Variants in SZRD1 observed in about 807,000 individuals in gnomAD.
The protein encoded by SZRD1 is SUZ RNA binding domain containing 1.
SZRD1 carries 7 observed loss-of-function variants against 17.6 expected under a neutral mutation model. The ratio of observed to expected loss-of-function variants is 0.40; its 90% CI spans 0.23 to 0.75. The LOEUF (loss-of-function observed/expected upper bound fraction) is 0.75, where lower values mean the gene tolerates loss of function less well. SZRD1 is among the 30% of genes least tolerant of loss of function. The pLI is 0.38. For missense variants in SZRD1, 178 were observed against 201.8 expected (o/e 0.88, Z 0.71); for synonymous variants, 77 against 77.9 (o/e 0.99, Z 0.06).
At chr1:16,371,449 C>CTT (rs543590679) in intron 1 of SZRD1, among the ~76,000 whole-genome samples, 1 of 135,432 alleles carries the variant, frequency 7.4e-6, no homozygotes, top group South Asian at 2.4e-4. Flanking sequence ...CTTTTTTTTC[C>CTT]TTTTTTTTTT....
At chr1:16,394,916 C>T in intron 3 of SZRD1, 122 bp from the exon 4 acceptor site, 1 of 650,390 alleles carries the variant, frequency 1.5e-6, no homozygotes, top group Non-Finnish European at 2.7e-6. Context: ...GATCGTGCCA[C>T]TGCACTCCAA....
rs1557631234 is a variant in SZRD1 at position 16,391,475 on chromosome 1, C to CG, written c.101+54dup. 1 of 1,466,344 alleles carries CG rather than the reference C, an allele frequency of 6.8e-7. No individual in the cohort carries two copies. The highest frequency in any genetic ancestry group is 1.4e-5 in the African/African-American group (1 of 70,950). The allele number at this position is 1,466,344 out of a possible 1,614,324, so 90.8% of individuals were successfully genotyped here. A position where few individuals can be genotyped will look rare whatever the true frequency, so the allele number is the denominator to read the frequency against. Reference sequence around the variant, plus strand: ...CTCATGCTCTCTGTGGTTTGAGAGCCGGGCAGTCAGTGGTGTTCTCCAGCT... The same window carrying CG: ...CTCATGCTCTCTGTGGTTTGAGAGCCGGGGCAGTCAGTGGTGTTCTCCAGCT... On this transcript the variant is annotated intron_variant, in intron 2 of 3. Coordinates refer to ENST00000401088, the MANE Select transcript of SZRD1 (RefSeq NM_001114600.3). The surrounding 1 kb of genome is among the most constrained non-coding windows in gnomAD (Gnocchi z 4.3).
chr1:16,390,314 A>G (rs2085201813), intron 1 of SZRD1, among the ~76,000 whole-genome samples: 1 of 152,198 alleles, frequency 6.6e-6, no homozygotes, highest in African/African-American at 2.4e-5. Flanking sequence ...TGTCATAGGC[A>G]TGCTGGTGCT....
intron 1 of SZRD1, among the ~76,000 whole-genome samples, chr1:16,377,833 G>A (rs1557624136): frequency 6.6e-6 from 1 of 152,174 alleles, no homozygotes; most frequent in Non-Finnish European, 1.5e-5. Flanking sequence ...CCATTGCTCT[G>A]AGTGTGAAGG....
intron 1 of SZRD1, among the ~76,000 whole-genome samples, chr1:16,379,346 G>T (rs1030818581): frequency 6.6e-6 from 1 of 150,736 alleles, no homozygotes; most frequent in African/African-American, 2.4e-5. Flanking sequence ...CTCGTGATCC[G>T]CCCGCCTCGT....
At chr1:16,384,198 T>C (rs983172430) in intron 1 of SZRD1, among the ~76,000 whole-genome samples, 3 of 152,046 alleles carry the variant, frequency 2.0e-5, no homozygotes, top group African/African-American at 7.2e-5. Flanking sequence ...CAGAATTAAA[T>C]CAACATGGAG....
intron 1 of SZRD1, among the ~76,000 whole-genome samples, chr1:16,386,504 G>C (rs186069564): frequency 6.6e-6 from 1 of 152,336 alleles, no homozygotes; most frequent in Admixed American, 6.5e-5. Context: ...ACTTGGTCCA[G>C]CTTTTCAGAG....
At chr1:16,384,375 CAA>C (rs58963543) in intron 1 of SZRD1, among the ~76,000 whole-genome samples, 118 of 110,850 alleles carry the variant, frequency 1.1e-3, no homozygotes, top group Admixed American at 9.3e-4. Context: ...CCGTCTCCAC[CAA>C]AAAAAAAAAA....
At chr1:16,388,529 A>G (rs2085165122) in intron 1 of SZRD1, among the ~76,000 whole-genome samples, 1 of 152,178 alleles carries the variant, frequency 6.6e-6, no homozygotes, top group Non-Finnish European at 1.5e-5. Context: ...AGATGCAAAT[A>G]AGGACATGGA....
chr1:16,369,417 A>G, intron 1 of SZRD1: 1 of 1,082,256 alleles, frequency 9.2e-7, no homozygotes, highest in Admixed American at 1.8e-5. Flanking sequence ...ACTGCTCAAA[A>G]TTGGCAGCAT....
intron 1 of SZRD1, among the ~76,000 whole-genome samples, chr1:16,377,485 T>C (rs2083024909): frequency 6.8e-6 from 1 of 146,418 alleles, no homozygotes; most frequent in Admixed American, 7.2e-5. Context: ...CTCAGGAGGC[T>C]GAGGCAGGGG....
At chr1:16,389,080 C>CTTTTTT (rs779460255) in intron 1 of SZRD1, among the ~76,000 whole-genome samples, 13 of 114,894 alleles carry the variant, frequency 1.1e-4, no homozygotes, top group African/African-American at 2.6e-4. Flanking sequence ...TAGTTATTTC[C>CTTTTTT]TTTTTTTTTT....
intron 1 of SZRD1, among the ~76,000 whole-genome samples, chr1:16,388,891 G>A (rs557964627): frequency 1.3e-5 from 2 of 151,472 alleles, no homozygotes; most frequent in Admixed American, 6.6e-5. Context: ...CAAGTGATCC[G>A]CCTGCCTCAG....
rs1192020662 is a variant in SZRD1 at position 16,398,031 on chromosome 1, C to G, written c.*2891C>G. On this transcript the variant is annotated 3_prime_UTR_variant, in exon 4 of 4. Coordinates refer to ENST00000401088, the MANE Select transcript of SZRD1 (RefSeq NM_001114600.3). ...AGGGCTGCACCCCTGCAGTCTTACT[C>G]TGCTGGTGTAGCGGGCAGCTGCCCA... 1 of 894,736 alleles carries G rather than the reference C, an allele frequency of 1.1e-6. No homozygotes were observed. The highest frequency in any genetic ancestry group is 1.8e-5 in the African/African-American group (1 of 55,298). The allele number at this position is 894,736 out of a possible 1,614,324, so 55.4% of individuals were successfully genotyped here.
In SZRD1 at chr1:16,395,208, A is replaced by T. The variant is rs577519030; in HGVS notation, c.*68A>T. 8.9e-7 allele frequency: 1 copy of T among 1,117,496 alleles called. No homozygotes were observed. The allele number at this position is 1,117,496 out of a possible 1,614,324, so 69.2% of individuals were successfully genotyped here. A position where few individuals can be genotyped will look rare whatever the true frequency, so the allele number is the denominator to read the frequency against. ...TCCTGGGTCGTCCGCCACGGGTTGC[A>T]CTGCCGTGGCAGACAGCTGGACTTG... On this transcript the variant is annotated 3_prime_UTR_variant, in exon 4 of 4. Coordinates refer to ENST00000401088, the MANE Select transcript of SZRD1 (RefSeq NM_001114600.3).
Position 16,393,095 on chromosome 1 carries a change from G to A in SZRD1, c.102-133G>A, listed in dbSNP as rs2085244340. On this transcript the variant is annotated intron_variant, in intron 2 of 3. Coordinates refer to ENST00000401088, the MANE Select transcript of SZRD1 (RefSeq NM_001114600.3). The surrounding 1 kb of genome is among the most constrained non-coding windows in gnomAD (Gnocchi z 5.6). ...TGAGGAGTGGAAATTTTGCTGTCTG[G>A]TCAGAGGCCAGAGAATCATGCATGG... is the stretch of plus-strand genomic sequence containing the variant. The A allele has an allele frequency of 7.7e-6, 10 of 1,300,460 alleles. No individual in the cohort carries two copies. In the South Asian group the frequency reaches 1.4e-4, roughly 18 times the overall value. The allele number at this position is 1,300,460 out of a possible 1,614,324, so 80.6% of individuals were successfully genotyped here.
Position 16,393,181 on chromosome 1 carries a change from C to T in SZRD1, c.102-47C>T, listed in dbSNP as rs1210860681. 1.2e-6 allele frequency: 2 copies of T among 1,601,726 alleles called. No individual in the cohort carries two copies. The highest frequency in any genetic ancestry group is 8.5e-7 in the Non-Finnish European group (1 of 1,171,886). ...TGGGTGTGGGACATGGACAGGGCCTCCTTAGTCAGGAGCATGATTTGTGAA... is the reference window on the plus strand; with the variant it reads ...TGGGTGTGGGACATGGACAGGGCCTTCTTAGTCAGGAGCATGATTTGTGAA... On this transcript the variant is annotated intron_variant, in intron 2 of 3. Coordinates refer to ENST00000401088, the MANE Select transcript of SZRD1 (RefSeq NM_001114600.3). The surrounding 1 kb of genome is among the most constrained non-coding windows in gnomAD (Gnocchi z 5.6).
At chr1:16,382,321 G>T (rs1377279901) in intron 1 of SZRD1, among the ~76,000 whole-genome samples, 1 of 151,260 alleles carries the variant, frequency 6.6e-6, no homozygotes, top group East Asian at 2.0e-4. Flanking sequence ...CTGAGTAGCT[G>T]GGACTACAGG....
At chr1:16,395,013 C>T in intron 3 of SZRD1, 25 bp from the exon 4 acceptor site, 1 of 1,376,352 alleles carries the variant, frequency 7.3e-7, no homozygotes, top group Non-Finnish European at 1.0e-6. Flanking sequence ...TTCTTCAGGC[C>T]TTCCTCTGCT....
Sources: gnomAD v4.1 joint callset for allele counts (sites outside exome capture counted in the v4.1 genomes callset) on GRCh38, gnomAD v4.1.1 for gene constraint, Gnocchi (gnomAD v3.1) non-coding constraint, MANE v1.5 for transcripts, NCBI Gene and HGNC (gene_info 2026-07-23, HGNC 2026-07-21) for gene names.